The following PTPRG variants were observed in gnomAD, a reference collection of about 807,000 sequenced individuals.
PTPRG encodes receptor-type tyrosine-protein phosphatase gamma.
In PTPRG, 102 loss-of-function variants were observed where a neutral mutation model predicts 165.3. The ratio of observed to expected loss-of-function variants is 0.62; its 90% CI spans 0.53 to 0.73. PTPRG has a LOEUF of 0.73. Ranked by LOEUF, PTPRG falls within the 30% of genes least tolerant of loss-of-function variation. The pLI is 0.00. For synonymous variants in PTPRG, 675 were observed against 669.5 expected, an observed-to-expected ratio of 1.01 and a Z score of -0.13; for missense variants, 1,866 against 1,861.4, an observed-to-expected ratio of 1.00 and a Z score of -0.05.
At chr3:61,930,382 A>G (rs911191400) in intron 2 of PTPRG, among the ~76,000 whole-genome samples, 3 of 152,180 alleles carry the variant, frequency 2.0e-5, no homozygotes, top group South Asian at 2.1e-4. Context: ...GAAGAATGTC[A>G]GTGATTCCCT....
intron 2 of PTPRG, chr3:61,925,950 C>G (rs758732976): frequency 4.2e-6 from 2 of 478,696 alleles, no homozygotes; most frequent in East Asian, 5.9e-5. Flanking sequence ...CTGGCTATTC[C>G]TAGCCTGGTT....
chr3:61,696,883 C>T (rs2030632787), intron 1 of PTPRG, among the ~76,000 whole-genome samples: 1 of 152,190 alleles, frequency 6.6e-6, no homozygotes, highest in Non-Finnish European at 1.5e-5. Context: ...CCACTGATAA[C>T]GGTCTTGTGA....
rs1702283016 is a variant in PTPRG at position 62,277,813 on chromosome 3, T to G, written c.3765+134T>G. On this transcript the variant is annotated intron_variant, in intron 26 of 29. Coordinates refer to ENST00000474889, the MANE Select transcript of PTPRG (RefSeq NM_002841.4). ...ATTTAAAATTTTTAAATTCTCATCT[T>G]GAAGTCTGTGGAGATTCCTTTCATA... 3.7e-6 allele frequency: 4 copies of G among 1,093,058 alleles called. No individual in the cohort carries two copies. The African/African-American group carries it at 4.8e-5, about 13-fold the overall frequency. The allele number at this position is 1,093,058 out of a possible 1,614,324, so 67.7% of individuals were successfully genotyped here. A position where few individuals can be genotyped will look rare whatever the true frequency, so the allele number is the denominator to read the frequency against.
chr3:62,143,625 A>G (rs1409931648), intron 6 of PTPRG, among the ~76,000 whole-genome samples: 1 of 151,904 alleles, frequency 6.6e-6, no homozygotes, highest in Admixed American at 6.6e-5. Context: ...TTGCATGCAA[A>G]GTAATCTCAC....
intron 2 of PTPRG, among the ~76,000 whole-genome samples, chr3:61,835,525 G>T (rs1316189252): frequency 6.6e-6 from 1 of 151,884 alleles, no homozygotes; most frequent in Admixed American, 6.6e-5. Context: ...GTAGAGATGG[G>T]ATTTCACCAT....
chr3:62,106,532 A>G (rs1185438422), intron 5 of PTPRG, among the ~76,000 whole-genome samples: 1 of 124,252 alleles, frequency 8.0e-6, no homozygotes, highest in Non-Finnish European at 1.6e-5. Flanking sequence ...GCTTGATCTC[A>G]CTCTGTTGCC....
chr3:62,067,767 G>A (rs1701066955), intron 4 of PTPRG, among the ~76,000 whole-genome samples: 1 of 152,144 alleles, frequency 6.6e-6, no homozygotes, highest in East Asian at 1.9e-4. Context: ...AGGAGGCAGA[G>A]CTCAGTCAAT....
chr3:62,239,360 C>CTTT (rs776921598), intron 14 of PTPRG, among the ~76,000 whole-genome samples: 71 of 124,512 alleles, frequency 5.7e-4, no homozygotes, highest in African/African-American at 1.6e-3. Context: ...TTTTTTCTTT[C>CTTT]TTTTTTTTTT....
chr3:61,653,992 T>C (rs1306463767), intron 1 of PTPRG, among the ~76,000 whole-genome samples: 2 of 152,146 alleles, frequency 1.3e-5, no homozygotes, highest in Non-Finnish European at 2.9e-5. Flanking sequence ...CATGGATGGC[T>C]CCAGGGGAAG....
Position 62,297,604 on chromosome 3 carries a change from G to C in PTPRG, c.*4297G>C, listed in dbSNP as rs973927176. 3 of 151,828 alleles carry C rather than the reference G, an allele frequency of 2.0e-5. No individual in the cohort carries two copies. The highest frequency in any genetic ancestry group is 7.3e-5 in the African/African-American group (3 of 41,320). 9.4% of individuals were successfully genotyped at this position (151,828 alleles called of 1,614,324 possible). A position where few individuals can be genotyped will look rare whatever the true frequency, so the allele number is the denominator to read the frequency against. On this transcript the variant is annotated 3_prime_UTR_variant, in exon 30 of 30. Transcript: ENST00000474889. ...ATACATAAAATAAAGTATGGTTTTT[G>C]ATGTATTCAGTAGTGTTGAGCATTT...
At chr3:62,113,417 T>C (rs1431246134) in intron 5 of PTPRG, among the ~76,000 whole-genome samples, 1 of 152,250 alleles carries the variant, frequency 6.6e-6, no homozygotes, top group Non-Finnish European at 1.5e-5. Flanking sequence ...TTTAAATACT[T>C]ATTTATAATT....
At chr3:62,131,521 A>G (rs549691274) in intron 5 of PTPRG, among the ~76,000 whole-genome samples, 1 of 152,196 alleles carries the variant, frequency 6.6e-6, no homozygotes, top group African/African-American at 2.4e-5. Context: ...TGACCTGAAA[A>G]CATCAAATTG....
chr3:61,941,819 A>G (rs1043566704), intron 2 of PTPRG, among the ~76,000 whole-genome samples: 3 of 151,928 alleles, frequency 2.0e-5, no homozygotes, highest in African/African-American at 4.8e-5. Context: ...GAAATATTTG[A>G]TTTGCTAACC....
chr3:62,244,451 T>C (rs1464300438), intron 15 of PTPRG, among the ~76,000 whole-genome samples: 2 of 152,228 alleles, frequency 1.3e-5, no homozygotes, highest in East Asian at 3.9e-4. Context: ...TTAGGTGTAA[T>C]AGGATGTGGG....
chr3:62,215,277 G>A (rs1700468802), intron 12 of PTPRG, among the ~76,000 whole-genome samples: 1 of 152,204 alleles, frequency 6.6e-6, no homozygotes, highest in Non-Finnish European at 1.5e-5. Context: ...AGACAAAGCA[G>A]TATTGTGAAT....
chr3:62,066,449 G>A (rs1169724964), intron 4 of PTPRG, among the ~76,000 whole-genome samples: 2 of 152,132 alleles, frequency 1.3e-5, no homozygotes, highest in African/African-American at 2.4e-5. Flanking sequence ...TCATTTCATG[G>A]TGAATCATGT....
chr3:61,760,102 C>T (rs2033783453), intron 2 of PTPRG, among the ~76,000 whole-genome samples: 1 of 152,092 alleles, frequency 6.6e-6, no homozygotes, highest in Non-Finnish European at 1.5e-5. Context: ...AGCTGGCTTT[C>T]CAATATGGCA....
At chr3:61,745,416 T>C (rs1323189637) in intron 1 of PTPRG, among the ~76,000 whole-genome samples, 3 of 152,274 alleles carry the variant, frequency 2.0e-5, no homozygotes, top group East Asian at 3.9e-4. Context: ...TTGACAGTAG[T>C]AGTTCAGGAA....
chr3:62,073,807 T>C (rs2106737151), intron 4 of PTPRG, among the ~76,000 whole-genome samples: 1 of 152,312 alleles, frequency 6.6e-6, no homozygotes, highest in Admixed American at 6.5e-5. Context: ...ATGAAATTTC[T>C]GCCCTGTACG....
Sources: allele counts gnomAD v4.1 joint callset (sites outside exome capture counted in the v4.1 genomes callset), GRCh38; gene constraint gnomAD v4.1.1; transcripts MANE v1.5; gene names NCBI Gene and HGNC (gene_info 2026-07-23, HGNC 2026-07-21).